The following DLG3 variants were observed in gnomAD, a reference collection of about 807,000 sequenced individuals.
DLG3 encodes the protein discs large MAGUK scaffold protein 3.
DLG3 carries 1 observed loss-of-function variant against 64.1 expected under a neutral mutation model. The ratio of observed to expected loss-of-function variants is 0.02; its 90% CI spans 0.01 to 0.07. The LOEUF is 0.07. Ranked by LOEUF, DLG3 falls within the 10% of genes least tolerant of loss-of-function variation. DLG3 has a pLI of 1.00. For synonymous variants in DLG3, 245 were observed against 259.8 expected, an observed-to-expected ratio of 0.94 and a Z score of 0.55; for missense variants, 429 against 669.5, an observed-to-expected ratio of 0.64 and a Z score of 3.96.
rs1160577573 is a variant in DLG3, at chrX:70,448,453, C to A, written c.358-460C>A. ...TTCGGACACAGTGGGAGTCTATGAT[C>A]CCCCAGTCAGGGAGAACTGTGGTTC... On this transcript the variant is annotated intron_variant, in intron 1 of 18. Transcript: ENST00000374360. 6.0e-5 allele frequency: 32 copies of A among 536,343 alleles called. No homozygotes were observed. In the East Asian group the frequency reaches 8.1e-4, roughly 14 times the overall value. 44.2% of individuals were successfully genotyped at this position (536,343 alleles called of 1,213,427 possible). A position where few individuals can be genotyped will look rare whatever the true frequency, so the allele number is the denominator to read the frequency against.
At chrX:70,453,474 C>T (rs1338206380) in intron 7 of DLG3, among the ~76,000 whole-genome samples, 163 bp from the exon 8 acceptor site, 1 of 110,942 alleles carries the variant, frequency 9.0e-6, no homozygotes, top group Non-Finnish European at 1.9e-5. Context: ...GACAGAACAG[C>T]AGCCAAGCAG....
chrX:70,499,782 G>T (rs1208305931), intron 15 of DLG3, 95 bp from the exon 16 acceptor site: 3 of 959,286 alleles, frequency 3.1e-6, no homozygotes, highest in Non-Finnish European at 4.4e-6. Context: ...GAGTGGCCCA[G>T]TGACCCACCC....
Position 70,453,393 on chromosome X carries a change from A to G in DLG3, c.1146-244A>G, listed in dbSNP as rs746276521. ...ATTTGTTCACCCGAGAGAGTAGGGGACTGTCCACTGGGAAGTTGACTGCAA... is the reference window on the plus strand; with the variant it reads ...ATTTGTTCACCCGAGAGAGTAGGGGGCTGTCCACTGGGAAGTTGACTGCAA... On this transcript the variant is annotated intron_variant, in intron 7 of 18. Coordinates refer to ENST00000374360, the MANE Select transcript of DLG3 (RefSeq NM_021120.4). The G allele has an allele frequency of 2.3e-4, 89 of 383,439 alleles. No homozygotes were observed. The South Asian group carries it at 3.5e-3, about 15-fold the overall frequency. The allele number at this position is 383,439 out of a possible 1,213,427, so 31.6% of individuals were successfully genotyped here. A position where few individuals can be genotyped will look rare whatever the true frequency, so the allele number is the denominator to read the frequency against.
At chrX:70,446,241 C>T (rs1285453478) in intron 1 of DLG3, among the ~76,000 whole-genome samples, 3 of 109,648 alleles carry the variant, frequency 2.7e-5, no homozygotes, top group Admixed American at 9.6e-5. Flanking sequence ...AGAGTGTGCA[C>T]GCGTGTGCCT....
intron 4 of DLG3, 41 bp from the exon 5 acceptor site, chrX:70,450,128 T>C (rs1283697742): frequency 8.3e-7 from 1 of 1,208,184 alleles, no homozygotes; most frequent in East Asian, 3.0e-5. Context: ...CTTTAACCTC[T>C]CCTTGTGGCC....
At chrX:70,450,569 G>A in intron 5 of DLG3, 70 bp from the exon 6 acceptor site, 1 of 1,159,437 alleles carries the variant, frequency 8.6e-7, no homozygotes, top group Non-Finnish European at 1.2e-6. Context: ...CACTGAAAAG[G>A]CATCCCTCGA....
chrX:70,482,673 T>TTTTTTTG (rs1569287567), intron 10 of DLG3, among the ~76,000 whole-genome samples: 1 of 88,791 alleles, frequency 1.1e-5, no homozygotes, highest in African/African-American at 4.4e-5. Flanking sequence ...TTTTTTTTTT[T>TTTTTTTG]TTTTTTTTTT....
intron 9 of DLG3, among the ~76,000 whole-genome samples, chrX:70,478,355 G>C (rs922201045): frequency 1.2e-4 from 13 of 111,799 alleles, no homozygotes; most frequent in African/African-American, 3.9e-4. Flanking sequence ...TTTCCAGAGT[G>C]ATAAGGCTGT....
At chrX:70,488,253 G>T (rs753970941) in intron 10 of DLG3, among the ~76,000 whole-genome samples, 1 of 111,307 alleles carries the variant, frequency 9.0e-6, no homozygotes, top group Admixed American at 9.6e-5. Context: ...CTTGTGATCC[G>T]CCCGCCTCAG....
At position 70,502,205 on chromosome X, in the gene DLG3, T is replaced by C; in HGVS notation, c.2390T>C (p.Ile797Thr). The C allele has an allele frequency of 8.3e-7, 1 of 1,209,893 alleles. No individual in the cohort carries two copies. Among genetic ancestry groups the C allele is most frequent in the African/African-American group, 1.7e-5 (1 of 57,444 alleles). Residue 797 changes from isoleucine (I) to threonine (T), a missense_variant, in exon 19 of 19, where the codon ATC (isoleucine) becomes ACC (threonine). Ile to Thr is a moderately conservative substitution (Grantham distance 89). This residue lies in a region of DLG3 where 48 missense variants were observed against 69.5 expected (regional missense o/e 0.69). Transcript: ENST00000374360. ...TCACTGGAAGAGATTTATAACAAAA[T>C]CAAACAAATCATTGAGGACCAGTCT... ...GDSLEEIYNK[I>T]KQIIEDQSGH...
At chrX:70,453,337 T>G in intron 7 of DLG3, 1 of 273,725 alleles carries the variant, frequency 3.7e-6, no homozygotes, top group African/African-American at 2.8e-5. Context: ...TGAGTGGGCC[T>G]GAGATTTGGT....
At chrX:70,489,046 C>T (rs2087307864) in intron 10 of DLG3, among the ~76,000 whole-genome samples, 2 of 111,972 alleles carry the variant, frequency 1.8e-5, no homozygotes, top group Middle Eastern at 4.6e-3. Context: ...TAGAACCAAA[C>T]GTGTTCCTCA....
chrX:70,499,639 C>A (rs918535061), intron 15 of DLG3, among the ~76,000 whole-genome samples: 3 of 111,715 alleles, frequency 2.7e-5, no homozygotes, highest in Non-Finnish European at 5.6e-5. Context: ...GCTCAGGAAA[C>A]CCCACCTTTC....
intron 10 of DLG3, among the ~76,000 whole-genome samples, chrX:70,482,659 G>GTTTT (rs1569287442): frequency 9.4e-5 from 5 of 53,337 alleles, no homozygotes; most frequent in African/African-American, 5.4e-4. Context: ...ATACATGTGT[G>GTTTT]GTGTTTTTTT....
rs1243230124 is a variant in DLG3, at chrX:70,500,662, G to A, written c.2255+82G>A. On this transcript the variant is annotated intron_variant, in intron 17 of 18. Coordinates refer to ENST00000374360, the MANE Select transcript of DLG3 (RefSeq NM_021120.4). ...AATGGAGAAGAAAGTGATTTGCTGG[G>A]CAGAAACTTGAAAGAAACTCTGTGC... The A allele has an allele frequency of 5.8e-6, 5 of 862,804 alleles. No individual in the cohort carries two copies. The African/African-American group carries it at 1.0e-4, about 17-fold the overall frequency. 71.1% of individuals were successfully genotyped at this position (862,804 alleles called of 1,213,427 possible). A position where few individuals can be genotyped will look rare whatever the true frequency, so the allele number is the denominator to read the frequency against.
chrX:70,460,393 G>A (rs1428311203), intron 9 of DLG3, among the ~76,000 whole-genome samples: 1 of 111,499 alleles, frequency 9.0e-6, no homozygotes, highest in Admixed American at 9.5e-5. Flanking sequence ...AAGCCTGAGG[G>A]AGATCCCTTC....
intron 10 of DLG3, among the ~76,000 whole-genome samples, chrX:70,483,374 G>C (rs2087199989): frequency 8.8e-6 from 1 of 113,264 alleles, no homozygotes; most frequent in Admixed American, 9.3e-5. Context: ...TTTGGGCACA[G>C]TTGCAGGGTA....
chrX:70,451,460 T>A (rs2086618318), intron 6 of DLG3, among the ~76,000 whole-genome samples: 2 of 111,703 alleles, frequency 1.8e-5, no homozygotes, highest in South Asian at 7.6e-4. Context: ...CTGTTTTTTG[T>A]TTCCTCTTTG....
At chrX:70,468,881 C>T (rs1285994142) in intron 9 of DLG3, among the ~76,000 whole-genome samples, 2 of 111,512 alleles carry the variant, frequency 1.8e-5, no homozygotes, top group African/African-American at 6.5e-5. Flanking sequence ...GTATGGACCT[C>T]ATTGATTTGG....
Sources: gnomAD v4.1 joint callset for allele counts (sites outside exome capture counted in the v4.1 genomes callset) on GRCh38, gnomAD v4.1.1 for gene constraint, gnomAD v4.1.1 regional missense constraint, MANE v1.5 for transcripts, NCBI Gene and HGNC (gene_info 2026-07-23, HGNC 2026-07-21) for gene names.